Variants in L3MBTL4 observed in about 807,000 individuals in gnomAD.
L3MBTL4 encodes the protein lethal(3)malignant brain tumor-like protein 4.
Under a neutral mutation model 84.5 loss-of-function variants are expected in L3MBTL4, and 70 were observed. The ratio of observed to expected loss-of-function variants is 0.83; its 90% CI spans 0.68 to 1.01. The LOEUF (loss-of-function observed/expected upper bound fraction) is 1.01. L3MBTL4 is among the 50% of genes least tolerant of loss of function. The probability of loss-of-function intolerance (pLI) is 0.00; values close to 1 mark genes in which losing one functional copy is unlikely to be tolerated. For synonymous variants in L3MBTL4, 274 were observed against 259.8 expected (o/e 1.05, Z -0.52); for missense variants, 715 against 754.8 (o/e 0.95, Z 0.62).
chr18:6,071,288 G>A (rs1479274375), intron 16 of L3MBTL4, among the ~76,000 whole-genome samples: 1 of 151,832 alleles, frequency 6.6e-6, no homozygotes, highest in Admixed American at 6.6e-5. Flanking sequence ...CTACTTGTGA[G>A]GCTGAGGCAT....
intron 1 of L3MBTL4, among the ~76,000 whole-genome samples, chr18:6,354,377 T>C (rs917703692): frequency 6.6e-6 from 1 of 152,082 alleles, no homozygotes; most frequent in Non-Finnish European, 1.5e-5. Context: ...TGGGCAAAAA[T>C]GTCTTGACTA....
At chr18:6,116,918 C>T (rs942966739) in intron 14 of L3MBTL4, among the ~76,000 whole-genome samples, 1 of 152,174 alleles carries the variant, frequency 6.6e-6, no homozygotes, top group Admixed American at 6.5e-5. Flanking sequence ...TGCTTTCATT[C>T]GTACTGTTAC....
chr18:6,011,386 G>A (rs1318118867), intron 16 of L3MBTL4, among the ~76,000 whole-genome samples: 1 of 152,166 alleles, frequency 6.6e-6, no homozygotes, highest in Non-Finnish European at 1.5e-5. Flanking sequence ...ATTTGCTGGT[G>A]AGGCCAAAGT....
At chr18:6,094,797 C>T (rs1194632556) in intron 14 of L3MBTL4, among the ~76,000 whole-genome samples, 3 of 152,024 alleles carry the variant, frequency 2.0e-5, no homozygotes. Flanking sequence ...CCCAAAAGGA[C>T]TTTAGTACCA....
intron 16 of L3MBTL4, among the ~76,000 whole-genome samples, chr18:6,035,744 T>C (rs1690213263): frequency 6.6e-6 from 1 of 152,310 alleles, no homozygotes. Flanking sequence ...TTGAGCAGTA[T>C]GGCCATTTTC....
At chr18:6,377,568 T>C (rs1211908496) in intron 1 of L3MBTL4, among the ~76,000 whole-genome samples, 1 of 152,124 alleles carries the variant, frequency 6.6e-6, no homozygotes, top group Non-Finnish European at 1.5e-5. Flanking sequence ...TGAGAACATG[T>C]GGTGTTTGGT....
chr18:6,053,184 A>T (rs987992124), intron 16 of L3MBTL4, among the ~76,000 whole-genome samples: 3 of 152,238 alleles, frequency 2.0e-5, no homozygotes, highest in Admixed American at 1.3e-4. Context: ...TTAGTAAAGC[A>T]TCTGCTTGCA....
In L3MBTL4 at chr18:5,962,595, C is replaced by T. The variant is rs551745052; in HGVS notation, c.1615-2439G>A. Among the ~76,000 whole-genome samples the T allele has an allele frequency of 2.0e-5, 3 of 152,302 alleles. No individual in the cohort carries two copies. In the East Asian group the frequency reaches 5.8e-4, roughly 29 times the overall value. On this transcript the variant is annotated intron_variant, in intron 17 of 18. Coordinates refer to ENST00000317931, the MANE Select transcript of L3MBTL4 (RefSeq NM_001330559.2). ...TTCACGCTGACTGCAGTCCAGGCAT[C>T]ACACCACACAGATGATAAATTAATG...
chr18:6,332,056 T>C (rs1568505460), intron 1 of L3MBTL4, among the ~76,000 whole-genome samples: 1 of 151,736 alleles, frequency 6.6e-6, no homozygotes, highest in Non-Finnish European at 1.5e-5. Context: ...GAGCTGAAAA[T>C]AGCACTCAGG....
intron 12 of L3MBTL4, among the ~76,000 whole-genome samples, chr18:6,200,903 A>G (rs560096429): frequency 1.3e-5 from 2 of 152,350 alleles, no homozygotes; most frequent in Admixed American, 6.5e-5. Context: ...TTTGTTTTGC[A>G]TAAGGAATAA....
intron 12 of L3MBTL4, among the ~76,000 whole-genome samples, chr18:6,212,336 A>T (rs1423926148): frequency 6.6e-6 from 1 of 152,182 alleles, no homozygotes; most frequent in East Asian, 1.9e-4. Context: ...GGCAAATAAG[A>T]TTTCTTTTAA....
At position 6,292,021 on chromosome 18, in the gene L3MBTL4, A is replaced by C. The variant is rs77328986; in HGVS notation, c.127+9882T>G. On this transcript the variant is annotated intron_variant, in intron 4 of 18. Transcript: ENST00000317931. ...TAACATAGCTAGAAGAGAATAATTC[A>C]AATATTTCTAAGCATGAAGACATAT... Among the ~76,000 whole-genome samples the C allele has an allele frequency of 4.1e-3, 621 of 152,330 alleles. 5 individuals carry two copies. The highest frequency in any genetic ancestry group is 0.014 in the African/African-American group (602 of 41,576).
intron 5 of L3MBTL4, among the ~76,000 whole-genome samples, chr18:6,248,630 T>G (rs974808358): frequency 1.3e-5 from 2 of 152,212 alleles, no homozygotes; most frequent in African/African-American, 4.8e-5. Flanking sequence ...TTTGTAAAGA[T>G]AAGCAGTTAT....
chr18:6,333,467 T>G (rs1240420468), intron 1 of L3MBTL4, among the ~76,000 whole-genome samples: 1 of 150,028 alleles, frequency 6.7e-6, no homozygotes, highest in Non-Finnish European at 1.5e-5. Context: ...CCCAGCTACG[T>G]GGGAGGCTGA....
chr18:6,006,457 C>G (rs1042141594), intron 16 of L3MBTL4, among the ~76,000 whole-genome samples: 1 of 152,010 alleles, frequency 6.6e-6, no homozygotes, highest in Admixed American at 6.6e-5. Flanking sequence ...GACAAACATC[C>G]GTTAAGGCAA....
At chr18:6,214,176 G>C (rs1036514803) in intron 11 of L3MBTL4, among the ~76,000 whole-genome samples, 16 of 152,180 alleles carry the variant, frequency 1.1e-4, no homozygotes, top group Admixed American at 6.5e-4. Context: ...CAGGTGATCT[G>C]TGTTATGGTT....
intron 1 of L3MBTL4, among the ~76,000 whole-genome samples, chr18:6,317,600 G>A (rs1332641900): frequency 6.6e-6 from 1 of 152,156 alleles, no homozygotes; most frequent in Admixed American, 6.6e-5. Context: ...GGGAACTTGG[G>A]ATTATGTAAA....
chr18:6,404,531 T>G (rs1462223999), intron 1 of L3MBTL4, among the ~76,000 whole-genome samples: 1 of 152,184 alleles, frequency 6.6e-6, no homozygotes, highest in Non-Finnish European at 1.5e-5. Context: ...TGTAGAAAAG[T>G]GCCATTCTAC....
chr18:6,200,332 G>T (rs947475198), intron 12 of L3MBTL4, among the ~76,000 whole-genome samples: 1 of 152,200 alleles, frequency 6.6e-6, no homozygotes, highest in Non-Finnish European at 1.5e-5. Flanking sequence ...CACGCTGTAG[G>T]AGGAACTCTC....
Sources: gnomAD v4.1 joint callset for allele counts (sites outside exome capture counted in the v4.1 genomes callset) on GRCh38, gnomAD v4.1.1 for gene constraint, MANE v1.5 for transcripts, NCBI Gene and HGNC (gene_info 2026-07-23, HGNC 2026-07-21) for gene names.